Variants in NEK4 observed in about 807,000 individuals in gnomAD.
NEK4 encodes the protein serine/threonine-protein kinase Nek4.
A neutral mutation model predicts 98.4 loss-of-function variants in NEK4; 86 were observed. That is an observed-to-expected ratio of 0.87 (90% CI 0.73 to 1.05). The LOEUF is 1.05. Ranked by LOEUF, NEK4 falls within the 50% of genes least tolerant of loss-of-function variation. The probability of loss-of-function intolerance (pLI) is 0.00; values close to 1 mark genes in which losing one functional copy is unlikely to be tolerated. For missense variants in NEK4, 898 were observed against 950.3 expected, an observed-to-expected ratio of 0.94 and a Z score of 0.72; for synonymous variants, 328 against 342.2, an observed-to-expected ratio of 0.96 and a Z score of 0.46.
chr3:52,724,572 T>G (rs550583509), intron 15 of NEK4, among the ~76,000 whole-genome samples: 2 of 151,990 alleles, frequency 1.3e-5, no homozygotes, highest in Non-Finnish European at 1.5e-5. Flanking sequence ...ATAAATAACT[T>G]GAAGCTTTAT....
intron 15 of NEK4, among the ~76,000 whole-genome samples, chr3:52,729,594 G>C (rs1044971556): frequency 2.0e-5 from 3 of 151,512 alleles, no homozygotes; most frequent in Non-Finnish European, 2.9e-5. Flanking sequence ...TGTAATCCCA[G>C]CTACTTGGGA....
intron 7 of NEK4, among the ~76,000 whole-genome samples, chr3:52,750,424 T>C (rs2097403107): frequency 6.6e-6 from 1 of 152,030 alleles, no homozygotes; most frequent in Non-Finnish European, 1.5e-5. Context: ...GGTATGCACT[T>C]GCAATCCCAG....
intron 15 of NEK4, among the ~76,000 whole-genome samples, chr3:52,714,700 G>C (rs1173446519): frequency 1.3e-5 from 2 of 152,206 alleles, no homozygotes; most frequent in Non-Finnish European, 2.9e-5. Flanking sequence ...CAAAGGGGCA[G>C]GCAGAGAGGT....
chr3:52,708,821 C>CAT lies in NEK4; in HGVS notation c.*2954_*2955dup, dbSNP rs2097347428. ...CACTGCAGTGTAGCCAGAGCAAGGACATAAAACTTCCTTAGCTTTGTAAGT... is the reference window on the plus strand; with the variant it reads ...CACTGCAGTGTAGCCAGAGCAAGGACATATAAAACTTCCTTAGCTTTGTAAGT... On this transcript the variant is annotated 3_prime_UTR_variant, in exon 16 of 16. Coordinates refer to ENST00000233027, the MANE Select transcript of NEK4 (RefSeq NM_003157.6). 2 of 151,806 alleles carry CAT rather than the reference C, an allele frequency of 1.3e-5. No individual in the cohort carries two copies. The highest frequency in any genetic ancestry group is 2.9e-5 in the Non-Finnish European group (2 of 67,960). 9.4% of individuals were successfully genotyped at this position (151,806 alleles called of 1,614,324 possible). A position where few individuals can be genotyped will look rare whatever the true frequency, so the allele number is the denominator to read the frequency against.
chr3:52,744,090 T>A (rs1163028183), intron 11 of NEK4, 149 bp downstream of exon 11: 1 of 690,162 alleles, frequency 1.4e-6, no homozygotes, highest in Non-Finnish European at 2.6e-6. Context: ...AAGACTTGAC[T>A]AAGAAATTTC....
intron 8 of NEK4, among the ~76,000 whole-genome samples, chr3:52,747,169 G>A (rs2097397567): frequency 6.6e-6 from 1 of 152,068 alleles, no homozygotes; most frequent in Non-Finnish European, 1.5e-5. Flanking sequence ...GAAAACAAAA[G>A]AAGCGGGCCA....
chr3:52,730,093 C>A (rs1017391270), intron 15 of NEK4, among the ~76,000 whole-genome samples: 3 of 151,920 alleles, frequency 2.0e-5, no homozygotes, highest in Admixed American at 6.6e-5. Flanking sequence ...GGTGACAGAG[C>A]GAGACTCTAT....
chr3:52,759,946 A>G (rs1364811303), intron 6 of NEK4, among the ~76,000 whole-genome samples: 1 of 148,944 alleles, frequency 6.7e-6, no homozygotes, highest in Non-Finnish European at 1.5e-5. Flanking sequence ...AAAATATGCT[A>G]TGTGGAAGAC....
chr3:52,714,350 T>C (rs1319805787), intron 15 of NEK4, among the ~76,000 whole-genome samples: 2 of 152,250 alleles, frequency 1.3e-5, no homozygotes, highest in Non-Finnish European at 2.9e-5. Flanking sequence ...TCACGGGCCA[T>C]CCGGAGCAGC....
chr3:52,755,676 G>C (rs183632627), intron 6 of NEK4, among the ~76,000 whole-genome samples: 135 of 151,816 alleles, frequency 8.9e-4, no homozygotes, highest in African/African-American at 3.1e-3. Flanking sequence ...TATAGTACTA[G>C]AAGTTCTAGC....
intron 8 of NEK4, among the ~76,000 whole-genome samples, chr3:52,747,842 G>C (rs187039416): frequency 2.8e-4 from 42 of 152,034 alleles, no homozygotes; most frequent in Non-Finnish European, 5.6e-4. Context: ...CTACCCAGGA[G>C]GCTGAGGTAA....
intron 4 of NEK4, among the ~76,000 whole-genome samples, chr3:52,764,894 G>C (rs1411542301): frequency 2.6e-5 from 4 of 152,142 alleles, no homozygotes. Flanking sequence ...AATGGGAATA[G>C]AAAGAGAAGA....
intron 15 of NEK4, among the ~76,000 whole-genome samples, chr3:52,736,175 A>C (rs1298027406): frequency 6.6e-6 from 1 of 152,208 alleles, no homozygotes; most frequent in Non-Finnish European, 1.5e-5. Context: ...CAGGTACTTA[A>C]AATACAAGTG....
At chr3:52,755,648 T>C (rs1176378254) in intron 6 of NEK4, among the ~76,000 whole-genome samples, 1 of 152,124 alleles carries the variant, frequency 6.6e-6, no homozygotes, top group Admixed American at 6.5e-5. Flanking sequence ...AATGCCTGTT[T>C]TCACCTCTTC....
intron 15 of NEK4, among the ~76,000 whole-genome samples, chr3:52,728,866 G>A (rs536441676): frequency 1.3e-5 from 2 of 152,144 alleles, no homozygotes; most frequent in Admixed American, 1.3e-4. Context: ...TTATGTGGTT[G>A]AGATAAGGAC....
chr3:52,713,801 A>AC (rs2097352597), intron 15 of NEK4, among the ~76,000 whole-genome samples: 1 of 132,236 alleles, frequency 7.6e-6, no homozygotes, highest in Non-Finnish European at 1.7e-5. Flanking sequence ...TCTCAAAAAA[A>AC]AAAAAAAAAA....
In NEK4 at chr3:52,746,904, C is replaced by A; in HGVS notation, c.1507G>T (p.Asp503Tyr). The change falls in exon 9 of 16, where the codon GAT becomes TAT. Residue 503 changes from aspartate (D) to tyrosine (Y), a missense_variant and splice_region_variant. Transcript: ENST00000233027. ...GITGVCHHAQ[D>Y]QVAGECIIEK... ...ATAATACATTCACCAGCAACTTGAT[C>A]CTTAAAAACAATAAAATGACATTTT... The A allele has an allele frequency of 6.2e-7, 1 of 1,609,448 alleles. No individual in the cohort carries two copies. The highest frequency in any genetic ancestry group is 8.5e-7 in the Non-Finnish European group (1 of 1,176,300).
chr3:52,762,670 C>T (rs1033283090), intron 5 of NEK4, among the ~76,000 whole-genome samples: 4 of 152,160 alleles, frequency 2.6e-5, no homozygotes, highest in African/African-American at 9.7e-5. Context: ...ACCACGAGGT[C>T]GGGAGTTCAA....
intron 1 of NEK4, among the ~76,000 whole-genome samples, chr3:52,768,838 T>A (rs1225047323): frequency 1.3e-5 from 2 of 152,152 alleles, no homozygotes; most frequent in African/African-American, 4.8e-5. Flanking sequence ...ACCTTTCCCA[T>A]CTGCATTTCA....
Sources: allele counts gnomAD v4.1 joint callset (sites outside exome capture counted in the v4.1 genomes callset), GRCh38; gene constraint gnomAD v4.1.1; transcripts MANE v1.5; gene names NCBI Gene and HGNC (gene_info 2026-07-23, HGNC 2026-07-21).